CCDC178: variants seen among roughly 807,000 people sequenced by gnomAD.
The protein encoded by CCDC178 is coiled-coil domain containing 178, also known as coiled-coil domain-containing protein 178.
In CCDC178, 126 loss-of-function variants were observed where a neutral mutation model predicts 117.4. That is an observed-to-expected ratio of 1.07 (90% CI 0.93 to 1.24). CCDC178 has a LOEUF of 1.24. CCDC178 is among the 50% of genes most tolerant of loss of function. The pLI, the probability that CCDC178 is intolerant of heterozygous loss-of-function variation, is 0.00. For synonymous variants in CCDC178, 283 were observed against 313.4 expected, an observed-to-expected ratio of 0.90 and a Z score of 1.02; for missense variants, 1,030 against 986.9, an observed-to-expected ratio of 1.04 and a Z score of -0.59.
intron 2 of CCDC178, among the ~76,000 whole-genome samples, chr18:33,434,063 T>C (rs2064256611): frequency 6.6e-6 from 1 of 152,126 alleles, no homozygotes; most frequent in Admixed American, 6.5e-5. Context: ...CATCCAACAG[T>C]ATAGCTTTTG....
In CCDC178 at chr18:33,388,988, G is replaced by A. The variant is rs986204236; in HGVS notation, c.208+552C>T. 2.6e-5 allele frequency among the ~76,000 whole-genome samples: 4 copies of A among 152,118 alleles called. No individual in the cohort carries two copies. The Middle Eastern group carries it at 0.014, about 517-fold the overall frequency. ...GAAGAGCACTTACTGGGGCCTGTAG[G>A]GGGAGGGCAGGTTAGGGGAAAGCCT... On this transcript the variant is annotated intron_variant, in intron 5 of 22. Transcript: ENST00000383096.
chr18:33,036,474 GAC>G (rs2056446986), intron 21 of CCDC178, among the ~76,000 whole-genome samples: 2 of 151,862 alleles, frequency 1.3e-5, no homozygotes, highest in African/African-American at 4.8e-5. Flanking sequence ...ATGGGAATAT[GAC>G]ACAGGGAGAG....
At chr18:33,227,407 G>A (rs193170284) in intron 15 of CCDC178, among the ~76,000 whole-genome samples, 10 of 150,824 alleles carry the variant, frequency 6.6e-5, no homozygotes, top group Admixed American at 4.6e-4. Flanking sequence ...AAATTATCAC[G>A]CAAAACCAGA....
At chr18:33,323,351 CT>C (rs1223417026) in intron 11 of CCDC178, 139 bp downstream of exon 11, 2 of 424,378 alleles carry the variant, frequency 4.7e-6, no homozygotes, top group Non-Finnish European at 7.9e-6. Context: ...TACATATAAA[CT>C]TGGTGATAAG....
chr18:33,061,114 G>C (rs755419390), intron 21 of CCDC178, among the ~76,000 whole-genome samples: 1 of 151,938 alleles, frequency 6.6e-6, no homozygotes, highest in South Asian at 2.1e-4. Flanking sequence ...GCTTGTTTCA[G>C]CTTTAAAGAT....
At chr18:33,216,324 A>G (rs1406439671) in intron 18 of CCDC178, among the ~76,000 whole-genome samples, 1 of 152,050 alleles carries the variant, frequency 6.6e-6, no homozygotes, top group Non-Finnish European at 1.5e-5. Context: ...TTGTTCTGAT[A>G]TTTCCAGCAA....
intron 20 of CCDC178, among the ~76,000 whole-genome samples, chr18:33,152,150 A>G (rs1424453094): frequency 6.6e-6 from 1 of 152,118 alleles, no homozygotes; most frequent in Non-Finnish European, 1.5e-5. Context: ...ATAAATATAT[A>G]CAATGATTAG....
intron 12 of CCDC178, among the ~76,000 whole-genome samples, chr18:33,291,394 A>G (rs2060164400): frequency 6.6e-6 from 1 of 152,130 alleles, no homozygotes. Flanking sequence ...AGTATATAGC[A>G]GGAAAATCAT....
rs536995881 is a variant in CCDC178, at chr18:33,128,930, AG to A, written c.2239-36021del. ...TGAAGTCATCAGTAACCAAAATTGG[AG>A]AAAATCTTAACACAACTGCCGTAAA... On this transcript the variant is annotated intron_variant, in intron 20 of 22. Coordinates refer to ENST00000383096, the MANE Select transcript of CCDC178 (RefSeq NM_001105528.4). 4.0e-3 allele frequency among the ~76,000 whole-genome samples: 615 copies of A among 152,298 alleles called. 2 individuals are homozygous for A. Among genetic ancestry groups the A allele is most frequent in the African/African-American group, 0.014 (595 of 41,572 alleles).
intron 11 of CCDC178, among the ~76,000 whole-genome samples, chr18:33,322,577 GAACTC>G (rs1356352528): frequency 6.6e-6 from 1 of 151,470 alleles, no homozygotes; most frequent in African/African-American, 2.4e-5. Context: ...AAATTAATTA[GAACTC>G]AACATAGAAA....
chr18:33,333,498 T>A (rs1167091707), intron 9 of CCDC178, 104 bp from the exon 10 acceptor site: 6 of 438,172 alleles, frequency 1.4e-5, no homozygotes, highest in Non-Finnish European at 1.6e-5. Context: ...TATTTGTGAA[T>A]CTTACTACTT....
At chr18:33,157,561 A>G (rs1431081992) in intron 20 of CCDC178, among the ~76,000 whole-genome samples, 1 of 152,172 alleles carries the variant, frequency 6.6e-6, no homozygotes, top group Admixed American at 6.5e-5. Context: ...CTCTTTTATA[A>G]AAAACAATCT....
At chr18:33,051,626 G>C (rs565875756) in intron 21 of CCDC178, among the ~76,000 whole-genome samples, 106 of 152,322 alleles carry the variant, frequency 7.0e-4, no homozygotes, top group Non-Finnish European at 1.3e-3. Flanking sequence ...TTTGCAATGA[G>C]GTTGGCTCAG....
chr18:33,404,165 C>T (rs2063749280), intron 3 of CCDC178, among the ~76,000 whole-genome samples: 1 of 152,078 alleles, frequency 6.6e-6, no homozygotes, highest in Admixed American at 6.6e-5. Context: ...ACCCAGAGAT[C>T]TGTACCACAA....
chr18:33,136,503 T>A (rs1448496390), intron 20 of CCDC178, among the ~76,000 whole-genome samples: 1 of 152,122 alleles, frequency 6.6e-6, no homozygotes, highest in Non-Finnish European at 1.5e-5. Context: ...AGTACAAAGC[T>A]TTTGGGAACA....
At chr18:33,186,745 T>A (rs2058799609) in intron 20 of CCDC178, among the ~76,000 whole-genome samples, 1 of 151,664 alleles carries the variant, frequency 6.6e-6, no homozygotes, top group Non-Finnish European at 1.5e-5. Flanking sequence ...TGTTTTCATG[T>A]TGTTAACTTG....
intron 14 of CCDC178, among the ~76,000 whole-genome samples, chr18:33,261,942 G>A (rs2059755976): frequency 6.6e-6 from 1 of 151,830 alleles, no homozygotes; most frequent in Non-Finnish European, 1.5e-5. Flanking sequence ...TGTCTTCTTA[G>A]TTGCATTTTG....
intron 2 of CCDC178, among the ~76,000 whole-genome samples, chr18:33,415,571 T>A (rs1047688967): frequency 2.6e-5 from 4 of 151,686 alleles, no homozygotes; most frequent in Non-Finnish European, 4.4e-5. Context: ...GGATGGGGGA[T>A]AGCATTAGGA....
intron 21 of CCDC178, among the ~76,000 whole-genome samples, chr18:33,006,929 G>T (rs1267775143): frequency 6.6e-6 from 1 of 152,008 alleles, no homozygotes. Flanking sequence ...CTCCAAAAAG[G>T]AACACAGCCT....
Sources: gnomAD v4.1 joint callset for allele counts (sites outside exome capture counted in the v4.1 genomes callset) on GRCh38, gnomAD v4.1.1 for gene constraint, MANE v1.5 for transcripts, NCBI Gene and HGNC (gene_info 2026-07-23, HGNC 2026-07-21) for gene names.